SLC8A1: variants seen among roughly 807,000 people sequenced by gnomAD.
The protein encoded by SLC8A1 is sodium/calcium exchanger 1.
A neutral mutation model predicts 68.3 loss-of-function variants in SLC8A1; 18 were observed. The ratio of observed to expected loss-of-function variants is 0.26; its 90% CI spans 0.18 to 0.39. SLC8A1 has a LOEUF of 0.39. Ranked by LOEUF, SLC8A1 falls within the 10% of genes least tolerant of loss-of-function variation. SLC8A1 has a pLI of 1.00. For synonymous variants in SLC8A1, 475 were observed against 415.5 expected (o/e 1.14, Z -1.74); for missense variants, 985 against 1,156.7 (o/e 0.85, Z 2.15).
intron 2 of SLC8A1, among the ~76,000 whole-genome samples, chr2:40,395,690 T>C (rs897337645): frequency 6.6e-6 from 1 of 152,122 alleles, no homozygotes. Flanking sequence ...ATTTCTGATT[T>C]TCAGAAATGT....
intron 2 of SLC8A1, among the ~76,000 whole-genome samples, chr2:40,200,179 T>TATATATATATATTTATATATATATAA (rs2053888436): frequency 7.0e-5 from 1 of 14,222 alleles, no homozygotes; most frequent in African/African-American, 1.7e-4. Context: ...CATTGATATA[T>TATATATATATATTTATATATATATAA]ATATATATAT....
intron 2 of SLC8A1, among the ~76,000 whole-genome samples, chr2:40,395,918 G>A (rs934481538): frequency 1.3e-4 from 20 of 152,014 alleles, no homozygotes; most frequent in African/African-American, 4.3e-4. Context: ...ATGAACACAC[G>A]CTGCCTTTTA....
At chr2:40,321,048 T>G (rs533015640) in intron 2 of SLC8A1, among the ~76,000 whole-genome samples, 5 of 152,248 alleles carry the variant, frequency 3.3e-5, no homozygotes, top group Non-Finnish European at 7.4e-5. Context: ...AATTGGGAGC[T>G]AAAAACCCTT....
At chr2:40,505,400 C>T (rs1706308393) in intron 1 of SLC8A1, among the ~76,000 whole-genome samples, 1 of 151,772 alleles carries the variant, frequency 6.6e-6, no homozygotes, top group African/African-American at 2.4e-5. Context: ...ATCCCATTCC[C>T]CATGATGTGC....
chr2:40,411,295 A>G (rs1692058732), intron 2 of SLC8A1, among the ~76,000 whole-genome samples: 1 of 152,086 alleles, frequency 6.6e-6, no homozygotes, highest in African/African-American at 2.4e-5. Flanking sequence ...ACACTCAGCA[A>G]ATATTAGCAA....
rs546921500 is a variant in SLC8A1, at chr2:40,246,674, C to A, written c.1809-68819G>T. Among the ~76,000 whole-genome samples, 7 of 152,314 alleles carry A rather than the reference C, an allele frequency of 4.6e-5. No individual in the cohort carries two copies. The East Asian group carries it at 1.4e-3, about 29-fold the overall frequency. On this transcript the variant is annotated intron_variant, in intron 2 of 7. Transcript: ENST00000406785. ...TCATAAGGAAAAGTCACTGCTACTT[C>A]ATTAATTCCAGAAGATGGATGGTGA...
intron 7 of SLC8A1, among the ~76,000 whole-genome samples, chr2:40,116,564 T>C (rs1202494171): frequency 3.3e-5 from 5 of 152,144 alleles, no homozygotes; most frequent in Non-Finnish European, 7.4e-5. Flanking sequence ...TATGCGGTGT[T>C]TGGTTTTTTG....
At chr2:40,212,236 C>A (rs1013956434) in intron 2 of SLC8A1, among the ~76,000 whole-genome samples, 1 of 148,282 alleles carries the variant, frequency 6.7e-6, no homozygotes, top group African/African-American at 2.5e-5. Context: ...ATTCTGGCGA[C>A]TTATCTGTTA....
intron 1 of SLC8A1, among the ~76,000 whole-genome samples, chr2:40,465,833 G>A (rs997707320): frequency 6.6e-6 from 1 of 152,106 alleles, no homozygotes; most frequent in Non-Finnish European, 1.5e-5. Context: ...TTGGGAGGTG[G>A]GGCTGCATTG....
intron 2 of SLC8A1, among the ~76,000 whole-genome samples, chr2:40,208,224 C>T (rs2148756013): frequency 6.6e-6 from 1 of 152,240 alleles, no homozygotes. Flanking sequence ...CCTCAAGTTT[C>T]TCTCTGGGCC....
chr2:40,496,533 T>A (rs916912639), intron 1 of SLC8A1, among the ~76,000 whole-genome samples: 1 of 152,032 alleles, frequency 6.6e-6, no homozygotes, highest in African/African-American at 2.4e-5. Context: ...AAAAGGTTAT[T>A]CTGAGGATAT....
chr2:40,459,838 G>T (rs959696004), intron 1 of SLC8A1, among the ~76,000 whole-genome samples: 1 of 151,872 alleles, frequency 6.6e-6, no homozygotes, highest in Non-Finnish European at 1.5e-5. Flanking sequence ...TTCCTGAATT[G>T]TTACCTGAAA....
chr2:40,155,928 G>T (rs1228595642), intron 6 of SLC8A1, among the ~76,000 whole-genome samples: 2 of 152,120 alleles, frequency 1.3e-5, no homozygotes, highest in African/African-American at 4.8e-5. Context: ...CCCTTGTACT[G>T]TAGAAGATTC....
At chr2:40,381,776 A>C (rs934418010) in intron 2 of SLC8A1, among the ~76,000 whole-genome samples, 5 of 151,248 alleles carry the variant, frequency 3.3e-5, no homozygotes, top group African/African-American at 1.2e-4. Flanking sequence ...GTATCAAGGA[A>C]CTGAAACTTT....
intron 2 of SLC8A1, among the ~76,000 whole-genome samples, chr2:40,359,144 C>A (rs1323622720): frequency 1.3e-5 from 2 of 152,028 alleles, no homozygotes; most frequent in Admixed American, 1.3e-4. Context: ...CTATTGAGCA[C>A]TTGAAATGGG....
rs553631751 is a variant in SLC8A1, at chr2:40,329,963, A to G, written c.1808+98510T>C. ...AGTACTATGTAATAAAAAGGGGGGG[A>G]AAAACAAGACAGCCAAGCTATTTAA... On this transcript the variant is annotated intron_variant, in intron 2 of 7. Coordinates refer to ENST00000406785, the Ensembl canonical transcript of SLC8A1. 7.9e-4 allele frequency among the ~76,000 whole-genome samples: 121 copies of G among 152,270 alleles called. No individual in the cohort carries two copies. In the Middle Eastern group the frequency reaches 0.014, roughly 17 times the overall value.
At chr2:40,110,262 A>G (rs576662373) in exon 8 of SLC8A1, 16 of 152,266 alleles carry the variant, frequency 1.1e-4, no homozygotes, top group South Asian at 4.1e-4. Flanking sequence ...TGAAATATCT[A>G]TTTCAATTGT....
chr2:40,185,374 G>C (rs2050512590), intron 2 of SLC8A1, among the ~76,000 whole-genome samples: 1 of 152,168 alleles, frequency 6.6e-6, no homozygotes, highest in Non-Finnish European at 1.5e-5. Flanking sequence ...TAAATAATAT[G>C]TGGTGTATCC....
At chr2:40,162,981 T>G (rs1262979125) in intron 5 of SLC8A1, among the ~76,000 whole-genome samples, 1 of 152,142 alleles carries the variant, frequency 6.6e-6, no homozygotes, top group Non-Finnish European at 1.5e-5. Flanking sequence ...ATTTCTTAAA[T>G]AATATAAAAT....
Sources: allele counts gnomAD v4.1 joint callset (sites outside exome capture counted in the v4.1 genomes callset), GRCh38; gene constraint gnomAD v4.1.1; transcripts MANE v1.5; gene names NCBI Gene and HGNC (gene_info 2026-07-23, HGNC 2026-07-21).